Variants in B3GALT1 observed in about 807,000 individuals in gnomAD.
The protein encoded by B3GALT1 is beta-1,3-galactosyltransferase 1.
In B3GALT1, 10 loss-of-function variants were observed where a neutral mutation model predicts 23.2. The observed-to-expected ratio is 0.43, with a 90% confidence interval of 0.27 to 0.73. B3GALT1 has a LOEUF of 0.73. Ranked by LOEUF, B3GALT1 falls within the 30% of genes least tolerant of loss-of-function variation. B3GALT1 has a pLI of 0.21. For missense variants in B3GALT1, 299 were observed against 405.4 expected (o/e 0.74, Z 2.25); for synonymous variants, 156 against 141.5 (o/e 1.10, Z -0.73).
At chr2:167,382,411 T>C (rs1252283918) in intron 1 of B3GALT1, among the ~76,000 whole-genome samples, 10 of 152,068 alleles carry the variant, frequency 6.6e-5, no homozygotes, top group Non-Finnish European at 1.5e-4. Context: ...TGGTTAAAAA[T>C]TGTATTTGCA....
At chr2:167,465,263 G>T (rs1051762399) in intron 1 of B3GALT1, among the ~76,000 whole-genome samples, 2 of 152,014 alleles carry the variant, frequency 1.3e-5, no homozygotes, top group African/African-American at 4.8e-5. Context: ...TGCCCATGGT[G>T]GAATACAGTG....
chr2:167,759,024 G>A (rs1462485063), intron 3 of B3GALT1, among the ~76,000 whole-genome samples: 2 of 152,188 alleles, frequency 1.3e-5, no homozygotes, highest in African/African-American at 2.4e-5. Flanking sequence ...TGGTGTTGGG[G>A]GCTGGCCCTT....
Position 167,683,145 on chromosome 2 carries a change from A to G in B3GALT1, c.-352+36179A>G, listed in dbSNP as rs80264057. On this transcript the variant is annotated intron_variant, in intron 3 of 4. Transcript: ENST00000392690. ...CATTGACCAAGGCACAGATTCCCTA[A>G]ATACTTTAAGCAGTTGGAGCAAGAA... Among the ~76,000 whole-genome samples the G allele has an allele frequency of 3.7e-3, 564 of 152,324 alleles. 7 individuals are homozygous for G. Among genetic ancestry groups the G allele is most frequent in the South Asian group, 0.014 (68 of 4,828 alleles).
In B3GALT1 at chr2:167,447,435, G is replaced by A. The variant is rs567751168; in HGVS notation, c.-510-42742G>A. Among the ~76,000 whole-genome samples the A allele has an allele frequency of 3.3e-3, 503 of 152,310 alleles. 5 individuals carry two copies. The highest frequency in any genetic ancestry group is 5.5e-3 in the Non-Finnish European group (373 of 68,026). On this transcript the variant is annotated intron_variant, in intron 1 of 4. Coordinates refer to ENST00000392690, the MANE Select transcript of B3GALT1 (RefSeq NM_020981.4). ...TCTGCAGAAGTTTCTGCTACCTTTT[G>A]TTCAGCTATGCCCTGTCTGCAGAGG...
At position 167,601,491 on chromosome 2, in the gene B3GALT1, C is replaced by T. The variant is rs143385752; in HGVS notation, c.-409-45418C>T. On this transcript the variant is annotated intron_variant, in intron 2 of 4. Coordinates refer to ENST00000392690, the MANE Select transcript of B3GALT1 (RefSeq NM_020981.4). ...TCTGGTCATTTATTTTAGCCCAAAA[C>T]GCTCTAATATCTCCATTACATGTTT... Among the ~76,000 whole-genome samples the T allele has an allele frequency of 1.0e-3, 157 of 152,316 alleles. 1 individual carries two copies. Among genetic ancestry groups the T allele is most frequent in the African/African-American group, 3.2e-3 (131 of 41,576 alleles).
intron 2 of B3GALT1, among the ~76,000 whole-genome samples, chr2:167,507,232 T>C (rs964182180): frequency 2.1e-4 from 31 of 151,168 alleles, no homozygotes; most frequent in Non-Finnish European, 3.8e-4. Flanking sequence ...AGAGGGCGGG[T>C]GCAGTGGCTC....
intron 1 of B3GALT1, among the ~76,000 whole-genome samples, chr2:167,483,776 T>C (rs1249032802): frequency 2.0e-5 from 3 of 152,230 alleles, no homozygotes; most frequent in South Asian, 4.1e-4. Flanking sequence ...TGAAACTATA[T>C]GTTAAATATA....
chr2:167,714,407 C>G (rs530554403), intron 3 of B3GALT1: 166 of 1,548,650 alleles, frequency 1.1e-4, no homozygotes, highest in Admixed American at 3.5e-4. Context: ...TCCTCCTCCC[C>G]CTGGAAGCAC....
At chr2:167,668,858 T>G (rs1327130884) in intron 3 of B3GALT1, among the ~76,000 whole-genome samples, 2 of 152,170 alleles carry the variant, frequency 1.3e-5, no homozygotes, top group Non-Finnish European at 2.9e-5. Context: ...TGGCACTCCC[T>G]AGTGAGATGA....
At chr2:167,492,445 T>A (rs1699723532) in intron 2 of B3GALT1, among the ~76,000 whole-genome samples, 1 of 152,226 alleles carries the variant, frequency 6.6e-6, no homozygotes, top group Non-Finnish European at 1.5e-5. Context: ...AATATTTGTT[T>A]GCAGATTTTT....
chr2:167,370,245 C>G (rs552936847), intron 1 of B3GALT1, among the ~76,000 whole-genome samples: 3 of 152,218 alleles, frequency 2.0e-5, no homozygotes, highest in African/African-American at 7.2e-5. Context: ...TCTTAAAAAG[C>G]CAACATTGTG....
At chr2:167,569,215 C>T (rs914815467) in intron 2 of B3GALT1, among the ~76,000 whole-genome samples, 44 of 151,748 alleles carry the variant, frequency 2.9e-4, no homozygotes, top group Non-Finnish European at 5.2e-4. Flanking sequence ...TTTTTTGCCT[C>T]CCCATATAAA....
chr2:167,333,808 C>G (rs1697013937), intron 1 of B3GALT1, among the ~76,000 whole-genome samples: 1 of 152,072 alleles, frequency 6.6e-6, no homozygotes, highest in South Asian at 2.1e-4. Context: ...TTAGCCCAAA[C>G]TATGGTGAAG....
chr2:167,435,723 C>T (rs1415164668), intron 1 of B3GALT1, among the ~76,000 whole-genome samples: 2 of 152,006 alleles, frequency 1.3e-5, no homozygotes, highest in African/African-American at 4.8e-5. Context: ...TCTAATCTAT[C>T]ATCGTTAATT....
intron 3 of B3GALT1, among the ~76,000 whole-genome samples, chr2:167,774,494 T>TG (rs1480142593): frequency 9.6e-5 from 8 of 83,148 alleles, no homozygotes; most frequent in Non-Finnish European, 1.7e-4. Context: ...TGTTTTTTTT[T>TG]TTGTTTTTTT....
intron 1 of B3GALT1, among the ~76,000 whole-genome samples, chr2:167,411,257 TCAA>T (rs1039728246): frequency 5.4e-5 from 8 of 149,474 alleles, no homozygotes; most frequent in Non-Finnish European, 8.9e-5. Context: ...ACAACAAAAA[TCAA>T]CAAAGTGAAA....
chr2:167,523,075 A>G lies in B3GALT1; in HGVS notation c.-410+32798A>G, dbSNP rs1051785576. ...GACACCCATGACTCCCCAGAAAAGC[A>G]TCTGCTGTCCCATAGGCACCCATCC... On this transcript the variant is annotated intron_variant, in intron 2 of 4. Coordinates refer to ENST00000392690, the MANE Select transcript of B3GALT1 (RefSeq NM_020981.4). Among the ~76,000 whole-genome samples the G allele has an allele frequency of 2.0e-5, 3 of 152,156 alleles. No homozygotes were observed. In the South Asian group the frequency reaches 6.2e-4, roughly 32 times the overall value.
intron 2 of B3GALT1, among the ~76,000 whole-genome samples, chr2:167,500,887 T>G (rs1699839834): frequency 6.6e-6 from 1 of 152,162 alleles, no homozygotes; most frequent in Non-Finnish European, 1.5e-5. Flanking sequence ...TTAATAACCT[T>G]TGATTGTTAG....
chr2:167,813,606 G>T (rs1286376545), intron 3 of B3GALT1, among the ~76,000 whole-genome samples: 1 of 152,204 alleles, frequency 6.6e-6, no homozygotes, highest in Non-Finnish European at 1.5e-5. Flanking sequence ...GGTATAGGAT[G>T]TAGGGTGCAA....
Sources: allele counts gnomAD v4.1 joint callset (sites outside exome capture counted in the v4.1 genomes callset), GRCh38; gene constraint gnomAD v4.1.1; transcripts MANE v1.5; gene names NCBI Gene and HGNC (gene_info 2026-07-23, HGNC 2026-07-21).